Variants in VPS13B observed in about 807,000 individuals in gnomAD.
VPS13B encodes the protein intermembrane lipid transfer protein VPS13B.
In VPS13B, 285 loss-of-function variants were observed where a neutral mutation model predicts 426.4. The observed-to-expected ratio is 0.67, with a 90% CI of 0.61 to 0.74. VPS13B has a LOEUF of 0.74. Ranked by LOEUF, VPS13B falls within the 30% of genes least tolerant of loss-of-function variation. The probability of loss-of-function intolerance (pLI) is 0.00; values close to 1 mark genes in which losing one functional copy is unlikely to be tolerated. For synonymous variants in VPS13B, 1,676 were observed against 1,676.4 expected (o/e 1.00, Z 0.01); for missense variants, 4,537 against 4,782.6 (o/e 0.95, Z 1.51).
intron 17 of VPS13B, among the ~76,000 whole-genome samples, chr8:99,272,998 G>A (rs1466441840): frequency 6.6e-6 from 1 of 152,084 alleles, no homozygotes; most frequent in East Asian, 1.9e-4. Context: ...ATGCTCTACT[G>A]TTAAGTATAT....
intron 1 of VPS13B, 104 bp from the exon 2 acceptor site, chr8:99,013,656 G>A: frequency 9.2e-7 from 1 of 1,085,972 alleles, no homozygotes; most frequent in Non-Finnish European, 1.4e-6. Flanking sequence ...AAGAGGAGGC[G>A]AACGGCCGCT....
intron 31 of VPS13B, 89 bp from the exon 32 acceptor site, chr8:99,575,569 T>G: frequency 1.3e-6 from 2 of 1,525,252 alleles, no homozygotes; most frequent in Non-Finnish European, 1.8e-6. Context: ...TTGCCATACA[T>G]GTTTGTAGTA....
chr8:99,391,513 G>GA, intron 20 of VPS13B, 44 bp from the exon 21 acceptor site: 1 of 1,613,594 alleles, frequency 6.2e-7, no homozygotes, highest in African/African-American at 1.3e-5. Context: ...AAGAAATAGT[G>GA]AAAAACTAAA....
At chr8:99,853,335 T>G (rs1816385193) in intron 55 of VPS13B, 116 bp from the exon 56 acceptor site, 11 of 1,041,368 alleles carry the variant, frequency 1.1e-5, no homozygotes, top group Non-Finnish European at 1.3e-5. Context: ...TTGTTTCTTA[T>G]GAGAATCTGA....
chr8:99,091,719 T>G (rs1020597213), intron 3 of VPS13B: 1 of 152,222 alleles, frequency 6.6e-6, no homozygotes, highest in African/African-American at 2.4e-5. Context: ...GTGTGCAGTA[T>G]TACTCTCAGA....
intron 24 of VPS13B, among the ~76,000 whole-genome samples, chr8:99,475,124 A>G (rs1819623853): frequency 6.6e-6 from 1 of 152,210 alleles, no homozygotes; most frequent in South Asian, 2.1e-4. Flanking sequence ...TTCCATTTAC[A>G]TAAAATGTTA....
At chr8:99,768,388 A>C (rs997946535) in intron 40 of VPS13B, among the ~76,000 whole-genome samples, 3 of 152,214 alleles carry the variant, frequency 2.0e-5, no homozygotes, top group African/African-American at 7.2e-5. Context: ...ACACGCTTTT[A>C]CAAGGTTATA....
chr8:99,525,981 G>A (rs1230078614), intron 30 of VPS13B, among the ~76,000 whole-genome samples: 2 of 152,100 alleles, frequency 1.3e-5, no homozygotes, highest in African/African-American at 4.8e-5. Context: ...AGGTCGTTGT[G>A]TGGACTTTGG....
intron 13 of VPS13B, among the ~76,000 whole-genome samples, chr8:99,144,894 C>A (rs1292176885): frequency 6.6e-6 from 1 of 152,118 alleles, no homozygotes; most frequent in Non-Finnish European, 1.5e-5. Flanking sequence ...GTGCCAGAAA[C>A]AGAAGGAGGG....
At chr8:99,625,700 G>A (rs529888669) in intron 33 of VPS13B, among the ~76,000 whole-genome samples, 5 of 151,654 alleles carry the variant, frequency 3.3e-5, no homozygotes, top group South Asian at 2.1e-4. Context: ...CAAAAAATTA[G>A]CGAAGTATAG....
Position 99,466,222 on chromosome 8 carries a change from T to A in VPS13B, c.3446-1192T>A, listed in dbSNP as rs544434733. Reference sequence around the variant, plus strand: ...AACTAAGTGTTAATATTATTTATTATTGGGGGTGGCAAAATAGAAGGTAAA... The same window carrying A: ...AACTAAGTGTTAATATTATTTATTAATGGGGGTGGCAAAATAGAAGGTAAA... On this transcript the variant is annotated intron_variant, in intron 23 of 61. Coordinates refer to ENST00000357162, the MANE Select transcript of VPS13B (RefSeq NM_152564.5). Among the ~76,000 whole-genome samples, 32 of 152,230 alleles carry A rather than the reference T, an allele frequency of 2.1e-4. No homozygotes were observed. In the South Asian group the frequency reaches 6.4e-3, roughly 31 times the overall value.
chr8:99,024,623 T>C (rs1842049443), intron 2 of VPS13B, among the ~76,000 whole-genome samples: 1 of 152,210 alleles, frequency 6.6e-6, no homozygotes, highest in South Asian at 2.1e-4. Flanking sequence ...ATATGTGGGT[T>C]TGTTTTTGGT....
intron 30 of VPS13B, among the ~76,000 whole-genome samples, chr8:99,547,717 A>G (rs1470112882): frequency 6.6e-6 from 1 of 152,050 alleles, no homozygotes; most frequent in Non-Finnish European, 1.5e-5. Context: ...ATCCTCCTAC[A>G]CCACCTGCTG....
chr8:99,287,228 GTCTGTCTATCTA>G (rs1159210635), intron 19 of VPS13B, among the ~76,000 whole-genome samples: 2,187 of 105,920 alleles, frequency 0.021, 176 homozygotes, highest in Admixed American at 0.16. Context: ...GTATCTATCT[GTCTGTCTATCTA>G]TCTATCTATC....
chr8:99,253,240 A>C (rs1817589133), intron 17 of VPS13B, among the ~76,000 whole-genome samples: 1 of 152,166 alleles, frequency 6.6e-6, no homozygotes, highest in Admixed American at 6.5e-5. Context: ...ATTCATTAAG[A>C]GTTAGATATT....
intron 19 of VPS13B, among the ~76,000 whole-genome samples, chr8:99,383,537 T>C (rs185257139): frequency 3.3e-5 from 5 of 152,304 alleles, no homozygotes; most frequent in African/African-American, 7.2e-5. Flanking sequence ...TTTTATAGTA[T>C]ATTCACCAGG....
intron 27 of VPS13B, among the ~76,000 whole-genome samples, chr8:99,503,602 C>T (rs1255056574): frequency 2.0e-5 from 3 of 152,140 alleles, no homozygotes; most frequent in Non-Finnish European, 1.5e-5. Context: ...CAACAATGTT[C>T]CCAGCATCTT....
At chr8:99,635,355 A>G (rs2133918830) in intron 33 of VPS13B, among the ~76,000 whole-genome samples, 1 of 152,122 alleles carries the variant, frequency 6.6e-6, no homozygotes, top group South Asian at 2.1e-4. Context: ...GATATGAAAT[A>G]TAATCTCATA....
At chr8:99,597,162 C>T (rs1442181084) in intron 33 of VPS13B, among the ~76,000 whole-genome samples, 1 of 151,854 alleles carries the variant, frequency 6.6e-6, no homozygotes, top group African/African-American at 2.4e-5. Context: ...TTTCCTATTC[C>T]ATTGTGGTTT....
Sources: gnomAD v4.1 joint callset for allele counts (sites outside exome capture counted in the v4.1 genomes callset) on GRCh38, gnomAD v4.1.1 for gene constraint, MANE v1.5 for transcripts, NCBI Gene and HGNC (gene_info 2026-07-23, HGNC 2026-07-21) for gene names.